The following RBFOX1 variants were observed in gnomAD, a reference collection of about 807,000 sequenced individuals.
The protein encoded by RBFOX1 is RNA binding fox-1 homolog 1.
RBFOX1 carries 8 observed loss-of-function variants against 57.7 expected under a neutral mutation model. The ratio of observed to expected loss-of-function variants is 0.14; its 90% CI spans 0.08 to 0.25. The LOEUF is 0.25. Ranked by LOEUF, RBFOX1 falls within the 10% of genes least tolerant of loss-of-function variation. The pLI is 1.00. For synonymous variants in RBFOX1, 326 were observed against 222.4 expected (o/e 1.47, Z -4.15); for missense variants, 611 against 548.5 (o/e 1.11, Z -1.14).
chr16:5,592,900 C>T (rs1199750493), intron 2 of RBFOX1, among the ~76,000 whole-genome samples: 1 of 152,134 alleles, frequency 6.6e-6, no homozygotes, highest in East Asian at 1.9e-4. Flanking sequence ...ACCTTTAGAG[C>T]TGTCAGTGGT....
At chr16:7,579,450 T>C (rs1382825763) in intron 5 of RBFOX1, among the ~76,000 whole-genome samples, 1 of 152,080 alleles carries the variant, frequency 6.6e-6, no homozygotes, top group Admixed American at 6.5e-5. Flanking sequence ...TCCTTTGCTT[T>C]TTCTAGCCTA....
chr16:7,342,911 A>C (rs1444492381), intron 4 of RBFOX1, among the ~76,000 whole-genome samples: 2 of 152,174 alleles, frequency 1.3e-5, no homozygotes, highest in African/African-American at 4.8e-5. Context: ...GTCGGAAGTT[A>C]ATTACAAGAA....
chr16:6,318,403 T>G (rs1358885633), intron 2 of RBFOX1, among the ~76,000 whole-genome samples: 1 of 152,188 alleles, frequency 6.6e-6, no homozygotes, highest in East Asian at 1.9e-4. Flanking sequence ...TCAAATCTAT[T>G]TAGTGTAAAG....
intron 2 of RBFOX1, among the ~76,000 whole-genome samples, chr16:5,562,098 G>T (rs2045909843): frequency 6.6e-6 from 1 of 152,108 alleles, no homozygotes; most frequent in African/African-American, 2.4e-5. Context: ...TTTGTCTCTA[G>T]CTTAAAGGCA....
intron 3 of RBFOX1, among the ~76,000 whole-genome samples, chr16:5,837,916 G>T (rs1036314948): frequency 6.6e-6 from 1 of 152,116 alleles, no homozygotes; most frequent in Non-Finnish European, 1.5e-5. Flanking sequence ...TAGGTTGGGC[G>T]CTTGGAGAAG....
intron 3 of RBFOX1, among the ~76,000 whole-genome samples, chr16:6,954,680 G>C (rs987292433): frequency 9.9e-5 from 15 of 151,944 alleles, no homozygotes; most frequent in Non-Finnish European, 2.9e-5. Context: ...TTGCATTTAG[G>C]GGCTCTCTTA....
At chr16:7,257,468 G>C (rs934343040) in intron 4 of RBFOX1, among the ~76,000 whole-genome samples, 14 of 152,052 alleles carry the variant, frequency 9.2e-5, no homozygotes, top group Non-Finnish European at 1.6e-4. Context: ...GAGCTGGACT[G>C]GTATGGCTGT....
chr16:5,367,814 A>C (rs2065760990), intron 1 of RBFOX1, among the ~76,000 whole-genome samples: 1 of 151,994 alleles, frequency 6.6e-6, no homozygotes, highest in Non-Finnish European at 1.5e-5. Context: ...AACACAGTAG[A>C]CTCTTAAACC....
intron 2 of RBFOX1, among the ~76,000 whole-genome samples, chr16:5,537,862 C>T (rs1018162820): frequency 5.3e-5 from 8 of 152,160 alleles, no homozygotes; most frequent in Admixed American, 1.3e-4. Flanking sequence ...GCTGTTTTGC[C>T]ACATAAGGTA....
At chr16:5,782,707 C>G (rs758430373) in intron 3 of RBFOX1, among the ~76,000 whole-genome samples, 15 of 152,134 alleles carry the variant, frequency 9.9e-5, no homozygotes, top group Non-Finnish European at 2.1e-4. Context: ...AATTGGCTTA[C>G]ATAATTACAG....
chr16:6,358,422 A>C (rs1319989030), intron 2 of RBFOX1, among the ~76,000 whole-genome samples: 2 of 152,226 alleles, frequency 1.3e-5, no homozygotes, highest in Admixed American at 6.5e-5. Context: ...AAAGATTAGA[A>C]GTTGCCAGCT....
At chr16:5,542,744 A>T (rs768115590) in intron 2 of RBFOX1, among the ~76,000 whole-genome samples, 2 of 152,192 alleles carry the variant, frequency 1.3e-5, no homozygotes, top group Non-Finnish European at 2.9e-5. Flanking sequence ...TTCAAGTAAG[A>T]AGGCCAAAAT....
chr16:6,306,388 G>T (rs2079522510), intron 1 of RBFOX1, among the ~76,000 whole-genome samples: 2 of 152,200 alleles, frequency 1.3e-5, no homozygotes, highest in Admixed American at 6.5e-5. Flanking sequence ...AGGGCTCTCA[G>T]TTATCGCTCA....
intron 4 of RBFOX1, among the ~76,000 whole-genome samples, chr16:7,215,767 C>T (rs1349112961): frequency 5.6e-5 from 8 of 143,042 alleles, no homozygotes; most frequent in East Asian, 4.2e-4. Flanking sequence ...CTCTGTTGTC[C>T]AGGCGGGAGT....
chr16:6,752,510 C>A (rs972868049), intron 3 of RBFOX1, among the ~76,000 whole-genome samples: 2 of 152,164 alleles, frequency 1.3e-5, no homozygotes, highest in Non-Finnish European at 2.9e-5. Context: ...AAGCTGTGTT[C>A]TTTCCATGTT....
At chr16:6,954,320 T>G (rs998128366) in intron 3 of RBFOX1, among the ~76,000 whole-genome samples, 1 of 152,136 alleles carries the variant, frequency 6.6e-6, no homozygotes, top group African/African-American at 2.4e-5. Flanking sequence ...TTATGGCGTT[T>G]TAAGGTCTGA....
chr16:5,591,410 C>G (rs1248327758), intron 2 of RBFOX1, among the ~76,000 whole-genome samples: 1 of 152,104 alleles, frequency 6.6e-6, no homozygotes, highest in Non-Finnish European at 1.5e-5. Flanking sequence ...CACCACTGTG[C>G]TCGGTTAATT....
At chr16:6,821,509 T>G (rs2091297070) in intron 3 of RBFOX1, among the ~76,000 whole-genome samples, 1 of 152,218 alleles carries the variant, frequency 6.6e-6, no homozygotes, top group African/African-American at 2.4e-5. Context: ...ATTTTCATTA[T>G]CCCAAAAAGA....
chr16:5,578,204 C>T (rs1280998650), intron 2 of RBFOX1, among the ~76,000 whole-genome samples: 4 of 152,182 alleles, frequency 2.6e-5, no homozygotes, highest in African/African-American at 9.7e-5. Context: ...CCCACCTCGG[C>T]CTCCCAGAGT....
Sources: allele counts gnomAD v4.1 joint callset (sites outside exome capture counted in the v4.1 genomes callset), GRCh38; gene constraint gnomAD v4.1.1; transcripts MANE v1.5; gene names NCBI Gene and HGNC (gene_info 2026-07-23, HGNC 2026-07-21).